Variants in SNX29 observed in about 807,000 individuals in gnomAD.
SNX29 encodes sorting nexin-29.
A neutral mutation model predicts 102.1 loss-of-function variants in SNX29; 78 were observed. The ratio of observed to expected loss-of-function variants is 0.76; its 90% CI spans 0.64 to 0.92. SNX29 has a LOEUF of 0.92. SNX29 is among the 40% of genes least tolerant of loss of function. The pLI is 0.00. For missense variants in SNX29, 1,280 were observed against 1,061.7 expected (o/e 1.21, Z -2.86); for synonymous variants, 580 against 414.5 (o/e 1.40, Z -4.85).
rs747087192 is a variant in SNX29, at chr16:12,571,141, C to T, written c.*2512C>T. 3.9e-5 allele frequency: 9 copies of T among 232,584 alleles called. No individual in the cohort carries two copies. The highest frequency in any genetic ancestry group is 1.2e-3 in the Middle Eastern group (1 of 804). 14.4% of individuals were successfully genotyped at this position (232,584 alleles called of 1,614,324 possible). Reference sequence around the variant, plus strand: ...AATGTTCTGCAATGATTGGGTCCATCTTGCTGCTCAGAAGAATCCCGTCCT... The same window carrying T: ...AATGTTCTGCAATGATTGGGTCCATTTTGCTGCTCAGAAGAATCCCGTCCT... On this transcript the variant is annotated 3_prime_UTR_variant, in exon 21 of 21. Coordinates refer to ENST00000566228, the MANE Select transcript of SNX29 (RefSeq NM_032167.5).
At chr16:12,530,431 C>G (rs1419423867) in intron 20 of SNX29, among the ~76,000 whole-genome samples, 1 of 152,098 alleles carries the variant, frequency 6.6e-6, no homozygotes, top group South Asian at 2.1e-4. Context: ...CAGCACCCAC[C>G]CCATGCACAC....
chr16:12,395,126 T>G (rs868451613), intron 16 of SNX29, among the ~76,000 whole-genome samples: 31 of 152,330 alleles, frequency 2.0e-4, no homozygotes, highest in African/African-American at 6.5e-4. Flanking sequence ...TCCTTTTTAT[T>G]TAAATAAACA....
intron 14 of SNX29, among the ~76,000 whole-genome samples, chr16:12,216,414 G>A (rs1354563120): frequency 6.6e-6 from 1 of 152,168 alleles, no homozygotes; most frequent in Non-Finnish European, 1.5e-5. Flanking sequence ...TAGGGAGTTT[G>A]GGAAAATCAG....
At chr16:12,343,123 C>T (rs1380648567) in intron 15 of SNX29, among the ~76,000 whole-genome samples, 1 of 152,186 alleles carries the variant, frequency 6.6e-6, no homozygotes, top group Non-Finnish European at 1.5e-5. Context: ...CTGTGTGCTA[C>T]TTCGAAGGGA....
chr16:12,364,176 ATGT>A (rs768707141), intron 16 of SNX29, among the ~76,000 whole-genome samples: 14 of 145,240 alleles, frequency 9.6e-5, no homozygotes, highest in Admixed American at 2.1e-4. Context: ...ATGTTATGTT[ATGT>A]TATGTTATGT....
chr16:12,501,472 A>C (rs1428424866), intron 19 of SNX29, among the ~76,000 whole-genome samples: 1 of 152,160 alleles, frequency 6.6e-6, no homozygotes, highest in East Asian at 1.9e-4. Context: ...CTGTAATCCC[A>C]GCACTTTGGG....
chr16:12,547,488 C>T (rs1006092168), intron 20 of SNX29, among the ~76,000 whole-genome samples: 2 of 152,108 alleles, frequency 1.3e-5, no homozygotes, highest in South Asian at 2.1e-4. Context: ...AGTAGAACTA[C>T]CAGAACTTGC....
chr16:11,976,790 GC>G lies in SNX29; in HGVS notation c.-14del. On this transcript the variant is annotated 5_prime_UTR_variant, in exon 1 of 21. Transcript: ENST00000566228. ...CGGCGGCGGCGCGGCGCAGGCACCG[GC>G]CCGGGGAGAGGCACCATGAGCGGTG... 7.3e-7 allele frequency: 1 copy of G among 1,373,356 alleles called. No individual in the cohort carries two copies. The highest frequency in any genetic ancestry group is 1.6e-5 in the South Asian group (1 of 61,208). 85.1% of individuals were successfully genotyped at this position (1,373,356 alleles called of 1,614,324 possible).
chr16:12,025,397 T>A (rs1434855578), intron 3 of SNX29, among the ~76,000 whole-genome samples: 2 of 149,456 alleles, frequency 1.3e-5, no homozygotes, highest in Non-Finnish European at 3.0e-5. Context: ...AGCAAAGAGG[T>A]TTGTTTCAAT....
intron 20 of SNX29, among the ~76,000 whole-genome samples, chr16:12,525,500 C>T (rs2076755003): frequency 6.6e-6 from 1 of 152,046 alleles, no homozygotes; most frequent in South Asian, 2.1e-4. Flanking sequence ...TGTTGAAATC[C>T]TGTCTCTACT....
chr16:12,411,664 C>T (rs931133747), intron 18 of SNX29, among the ~76,000 whole-genome samples: 1 of 152,174 alleles, frequency 6.6e-6, no homozygotes, highest in Non-Finnish European at 1.5e-5. Context: ...GGGAGCCAAA[C>T]TTGACATTGA....
intron 16 of SNX29, among the ~76,000 whole-genome samples, chr16:12,356,907 C>T (rs2082151485): frequency 6.6e-6 from 1 of 152,234 alleles, no homozygotes; most frequent in Non-Finnish European, 1.5e-5. Context: ...CAGATGTCCT[C>T]TGCATTTCAG....
chr16:12,366,865 C>CT (rs2082503818), intron 16 of SNX29: 1 of 149,708 alleles, frequency 6.7e-6, no homozygotes, highest in South Asian at 2.1e-4. Context: ...TTCTTTTCCT[C>CT]TGTCTGTCTC....
chr16:12,454,121 G>T (rs1227332110), intron 18 of SNX29, among the ~76,000 whole-genome samples: 2 of 152,150 alleles, frequency 1.3e-5, no homozygotes, highest in African/African-American at 2.4e-5. Flanking sequence ...TCCCAGAAAG[G>T]CTGCTTATAC....
At chr16:12,221,827 C>T (rs552357962) in intron 14 of SNX29, among the ~76,000 whole-genome samples, 18 of 152,296 alleles carry the variant, frequency 1.2e-4, no homozygotes, top group African/African-American at 4.1e-4. Flanking sequence ...AATGCCCCAA[C>T]TGCCTCTTCC....
intron 1 of SNX29, 93 bp downstream of exon 1, chr16:11,976,906 GCTCCCTCGCAGACCCC>G: frequency 7.8e-7 from 1 of 1,278,136 alleles, no homozygotes. Context: ...CTCGCGCCCC[GCTCCCTCGCAGACCCC>G]CTCCCAGTCG....
chr16:12,032,497 C>T lies in SNX29; in HGVS notation c.247+5053C>T, dbSNP rs549722437. 9.2e-5 allele frequency among the ~76,000 whole-genome samples: 14 copies of T among 152,074 alleles called. No homozygotes were observed. The South Asian group carries it at 1.7e-3, about 18-fold the overall frequency. ...CTGTGATTACAGGCATGAGCAACCGCGCCTGGCCCAGAATTTTCTTCTTTT... is the reference window on the plus strand; with the variant it reads ...CTGTGATTACAGGCATGAGCAACCGTGCCTGGCCCAGAATTTTCTTCTTTT... On this transcript the variant is annotated intron_variant, in intron 4 of 20. Coordinates refer to ENST00000566228, the MANE Select transcript of SNX29 (RefSeq NM_032167.5).
At chr16:12,048,917 A>G (rs1047457845) in intron 7 of SNX29, among the ~76,000 whole-genome samples, 6 of 152,102 alleles carry the variant, frequency 3.9e-5, no homozygotes, top group Non-Finnish European at 8.8e-5. Flanking sequence ...TAATTCCTTT[A>G]TTTGTTCCTT....
chr16:12,180,259 ACTTT>A (rs1369117056), intron 13 of SNX29, among the ~76,000 whole-genome samples: 4 of 151,856 alleles, frequency 2.6e-5, no homozygotes, highest in Non-Finnish European at 5.9e-5. Flanking sequence ...TTTCTGAAAT[ACTTT>A]CTTTAATGTT....
Sources: gnomAD v4.1 joint callset for allele counts (sites outside exome capture counted in the v4.1 genomes callset) on GRCh38, gnomAD v4.1.1 for gene constraint, MANE v1.5 for transcripts, NCBI Gene and HGNC (gene_info 2026-07-23, HGNC 2026-07-21) for gene names.